SLC9A6: variants seen among roughly 807,000 people sequenced by gnomAD.
SLC9A6 encodes sodium/hydrogen exchanger 6.
A neutral mutation model predicts 45.3 loss-of-function variants in SLC9A6; 6 were observed. That is an observed-to-expected ratio of 0.13 (90% CI 0.07 to 0.26). SLC9A6 has a LOEUF of 0.26. SLC9A6 is among the 10% of genes least tolerant of loss of function. The pLI, the probability that SLC9A6 is intolerant of heterozygous loss-of-function variation, is 1.00. For synonymous variants in SLC9A6, 191 were observed against 187.7 expected (o/e 1.02, Z -0.14); for missense variants, 278 against 503.7 (o/e 0.55, Z 4.29).
intron 10 of SLC9A6, among the ~76,000 whole-genome samples, chrX:136,015,252 C>A (rs1366533512): frequency 1.8e-5 from 2 of 112,778 alleles, no homozygotes; most frequent in Non-Finnish European, 3.7e-5. Flanking sequence ...GGCACACAGC[C>A]ACACCCATTT....
chrX:136,000,600 G>A (rs2089567928), intron 6 of SLC9A6, among the ~76,000 whole-genome samples: 2 of 112,279 alleles, frequency 1.8e-5, no homozygotes, highest in African/African-American at 6.5e-5. Flanking sequence ...AATAGCCCAA[G>A]CAAATATCTT....
chrX:136,024,518 A>C, intron 13 of SLC9A6, 35 bp downstream of exon 13: 1 of 1,138,472 alleles, frequency 8.8e-7, no homozygotes, highest in Non-Finnish European at 1.2e-6. Flanking sequence ...TTTAAGATTA[A>C]ATTTTAATTT....
chrX:135,992,081 G>A (rs944723402), intron 2 of SLC9A6, among the ~76,000 whole-genome samples: 5 of 111,501 alleles, frequency 4.5e-5, no homozygotes, highest in Non-Finnish European at 7.5e-5. Context: ...CCAACTCAAC[G>A]TGTCCAAAAC....
upstream of SLC9A6, among the ~76,000 whole-genome samples, chrX:135,980,683 A>C (rs143797264): frequency 5.4e-3 from 595 of 111,048 alleles, 2 homozygotes; most frequent in African/African-American, 0.018. Context: ...CAGCCTCCCA[A>C]GTAGGTGGGA....
chrX:135,988,784 G>A (rs1250532621), intron 2 of SLC9A6, among the ~76,000 whole-genome samples: 1 of 107,591 alleles, frequency 9.3e-6, no homozygotes. Flanking sequence ...TTTTATTTTT[G>A]TGGTGACGCG....
rs2071459435 is a variant in SLC9A6, at chrX:136,038,936, G to A, written c.1662-1140G>A. Among the ~76,000 whole-genome samples the A allele has an allele frequency of 2.7e-5, 3 of 110,197 alleles. No homozygotes were observed. In the South Asian group the frequency reaches 1.2e-3, roughly 43 times the overall value. On this transcript the variant is annotated intron_variant, in intron 16 of 17. Transcript: ENST00000630721. The stretch of plus-strand genomic sequence containing the variant: ...CCAGTTTTTTAGTAGCTTTGTGTTT[G>A]GCCAGATGTTTTATAAAGCGTGTTT...
chrX:136,035,859 T>A (rs2148205123), intron 16 of SLC9A6, among the ~76,000 whole-genome samples: 1 of 110,088 alleles, frequency 9.1e-6, no homozygotes, highest in South Asian at 3.9e-4. Flanking sequence ...GCTCAAGTGA[T>A]CCTCTAAACA....
intron 1 of SLC9A6, among the ~76,000 whole-genome samples, chrX:135,979,463 A>G (rs1438656815): frequency 2.7e-5 from 3 of 111,469 alleles, no homozygotes; most frequent in African/African-American, 9.8e-5. Context: ...AGTCCCTTAA[A>G]TCCAACCTGT....
intron 16 of SLC9A6, among the ~76,000 whole-genome samples, chrX:136,039,130 G>A (rs2071462644): frequency 2.7e-5 from 3 of 109,840 alleles, no homozygotes; most frequent in African/African-American, 1.0e-4. Context: ...GGGAGGCTGA[G>A]GTGGGAGGAT....
At chrX:136,034,962 A>G (rs1186272005) in intron 16 of SLC9A6, among the ~76,000 whole-genome samples, 1 of 111,546 alleles carries the variant, frequency 9.0e-6, no homozygotes, top group Non-Finnish European at 1.9e-5. Flanking sequence ...TTTCTGCATA[A>G]AATGTTTTGT....
intron 15 of SLC9A6, 175 bp downstream of exon 15, chrX:136,030,337 G>A (rs782370405): frequency 5.3e-5 from 26 of 493,275 alleles, no homozygotes; most frequent in Non-Finnish European, 7.5e-5. Flanking sequence ...ACAAAACCAA[G>A]TTTGCCACAG....
At chrX:135,988,958 A>T (rs1311637829) in intron 2 of SLC9A6, among the ~76,000 whole-genome samples, 1 of 109,700 alleles carries the variant, frequency 9.1e-6, no homozygotes, top group African/African-American at 3.3e-5. Context: ...ATTGTCTGTT[A>T]TTTTTCTTAT....
In SLC9A6 at chrX:136,046,566, G is replaced by A. The variant is rs1603226586; in HGVS notation, c.*1842G>A. 8.9e-6 allele frequency: 1 copy of A among 112,285 alleles called. No homozygotes were observed. Among genetic ancestry groups the A allele is most frequent in the Non-Finnish European group, 1.9e-5 (1 of 53,154 alleles). 9.3% of individuals were successfully genotyped at this position (112,285 alleles called of 1,213,427 possible). ...TAACAACTACCTTTTTTATTCTGTC[G>A]GGTTACTGACCTCACTTTATGTAAA... On this transcript the variant is annotated 3_prime_UTR_variant, in exon 18 of 18. Coordinates refer to ENST00000630721, the MANE Select transcript of SLC9A6 (RefSeq NM_001379110.1).
intron 11 of SLC9A6, among the ~76,000 whole-genome samples, chrX:136,020,875 A>G (rs781931408): frequency 2.0e-5 from 2 of 102,560 alleles, no homozygotes; most frequent in Non-Finnish European, 3.9e-5. Flanking sequence ...TTTTTTTTTG[A>G]GTACTTCCTT....
chrX:136,041,828 G>A (rs2071516444), intron 17 of SLC9A6, among the ~76,000 whole-genome samples: 2 of 111,958 alleles, frequency 1.8e-5, no homozygotes, highest in African/African-American at 6.5e-5. Flanking sequence ...GTTGTTGGCC[G>A]GGTCAGTTCC....
At chrX:135,974,747 C>T (rs1282061107) in exon 1 of SLC9A6, 5 of 338,975 alleles carry the variant, frequency 1.5e-5, no homozygotes, top group Non-Finnish European at 3.0e-5. Flanking sequence ...ACCCCAAATA[C>T]TTGGCTCGCG....
intron 17 of SLC9A6, among the ~76,000 whole-genome samples, chrX:136,042,491 T>A (rs1023234157): frequency 8.9e-6 from 1 of 112,042 alleles, no homozygotes; most frequent in African/African-American, 3.2e-5. Context: ...ACGTAATTTT[T>A]TATATTATCT....
At chrX:136,033,967 A>G (rs2071371781) in intron 16 of SLC9A6, among the ~76,000 whole-genome samples, 1 of 111,769 alleles carries the variant, frequency 8.9e-6, no homozygotes. Context: ...GACCTTTCCA[A>G]AGACTAGGAG....
At chrX:136,006,991 C>A (rs782562621) in intron 7 of SLC9A6, among the ~76,000 whole-genome samples, 1 of 110,488 alleles carries the variant, frequency 9.1e-6, no homozygotes, top group East Asian at 2.8e-4. Context: ...CTTAGCCTCC[C>A]GAGTAGCTGG....
Sources: allele counts gnomAD v4.1 joint callset (sites outside exome capture counted in the v4.1 genomes callset), GRCh38; gene constraint gnomAD v4.1.1; transcripts MANE v1.5; gene names NCBI Gene and HGNC (gene_info 2026-07-23, HGNC 2026-07-21).